Variants in ELMO1 observed in about 807,000 individuals in gnomAD.
The protein encoded by ELMO1 is engulfment and cell motility protein 1.
A neutral mutation model predicts 98.9 loss-of-function variants in ELMO1; 26 were observed. The observed-to-expected ratio is 0.26, with a 90% confidence interval of 0.19 to 0.36. The LOEUF is 0.36. Ranked by LOEUF, ELMO1 falls within the 10% of genes least tolerant of loss-of-function variation. ELMO1 has a pLI of 1.00. For missense variants in ELMO1, 627 were observed against 935.2 expected (o/e 0.67, Z 4.30); for synonymous variants, 346 against 346.0 (o/e 1.00, Z 0.00).
chr7:37,399,381 C>T (rs1005243237), intron 1 of ELMO1, among the ~76,000 whole-genome samples: 3 of 152,260 alleles, frequency 2.0e-5, no homozygotes, highest in African/African-American at 7.2e-5. Context: ...GCTGAAGGGA[C>T]CACCAATTTT....
In ELMO1 at chr7:36,867,701, GATTTTC is replaced by G. The variant is rs1803144037; in HGVS notation, c.1905+2686_1905+2691del. On this transcript the variant is annotated intron_variant, in intron 20 of 21. Transcript: ENST00000310758. ...GCATCCCACACATTTTGGTAAGCTG[GATTTTC>G]ATTTTATTTAGTTTGAAACATTTTG... Among the ~76,000 whole-genome samples the G allele has an allele frequency of 3.3e-5, 5 of 152,120 alleles. No homozygotes were observed. The South Asian group carries it at 1.0e-3, about 32-fold the overall frequency.
chr7:36,854,976 G>A lies in ELMO1; in HGVS notation c.*575C>T, dbSNP rs1802091135. The A allele has an allele frequency of 6.2e-6, 1 of 160,862 alleles. No individual in the cohort carries two copies. The highest frequency in any genetic ancestry group is 2.4e-5 in the African/African-American group (1 of 41,522). The allele number at this position is 160,862 out of a possible 1,614,324, so 10.0% of individuals were successfully genotyped here. A position where few individuals can be genotyped will look rare whatever the true frequency, so the allele number is the denominator to read the frequency against. ...CGAGGAGGCTGCGGCTGCTGCTCTT[G>A]GGACCAAAGAGGAACAGAGCAAGGC... On this transcript the variant is annotated 3_prime_UTR_variant, in exon 22 of 22. Transcript: ENST00000310758.
chr7:36,921,086 T>C (rs182248787), intron 16 of ELMO1, among the ~76,000 whole-genome samples: 3 of 152,210 alleles, frequency 2.0e-5, no homozygotes, highest in Admixed American at 1.3e-4. Flanking sequence ...GAAGGCATCA[T>C]CTATGGAGCA....
chr7:37,279,421 A>T (rs1343400912), intron 4 of ELMO1, among the ~76,000 whole-genome samples: 1 of 152,150 alleles, frequency 6.6e-6, no homozygotes, highest in African/African-American at 2.4e-5. Context: ...GACTGCAAGG[A>T]CAAACCAGTA....
At chr7:37,325,049 C>A (rs1470838885) in intron 2 of ELMO1, among the ~76,000 whole-genome samples, 1 of 152,162 alleles carries the variant, frequency 6.6e-6, no homozygotes, top group Non-Finnish European at 1.5e-5. Flanking sequence ...CATTACATAA[C>A]GTTATCTACA....
At chr7:37,280,976 TA>T (rs1562578784) in intron 4 of ELMO1, among the ~76,000 whole-genome samples, 2 of 149,466 alleles carry the variant, frequency 1.3e-5, no homozygotes, top group African/African-American at 4.9e-5. Flanking sequence ...AACGAATGGA[TA>T]AAGAAACTGT....
chr7:37,111,528 T>C (rs139256243), intron 14 of ELMO1, among the ~76,000 whole-genome samples: 1 of 152,336 alleles, frequency 6.6e-6, no homozygotes, highest in East Asian at 1.9e-4. Context: ...AAAACTTTTG[T>C]ACTAGCATAC....
chr7:37,211,716 G>A (rs1792985521), intron 12 of ELMO1, among the ~76,000 whole-genome samples, 199 bp from the exon 13 acceptor site: 1 of 152,194 alleles, frequency 6.6e-6, no homozygotes, highest in Admixed American at 6.5e-5. Flanking sequence ...CTGCTGGTCA[G>A]GCCTGGCTGT....
chr7:37,225,053 A>G, intron 8 of ELMO1, 23 bp from the exon 9 acceptor site: 1 of 1,613,876 alleles, frequency 6.2e-7, no homozygotes, highest in Non-Finnish European at 8.5e-7. Context: ...GTGGGACACA[A>G]TTGACTGCTC....
At chr7:37,105,941 C>T (rs1784923105) in intron 14 of ELMO1, among the ~76,000 whole-genome samples, 1 of 152,122 alleles carries the variant, frequency 6.6e-6, no homozygotes, top group East Asian at 1.9e-4. Context: ...GTCTTTGGAT[C>T]TACATAGAGG....
chr7:37,225,668 T>G (rs1021111192), intron 8 of ELMO1, among the ~76,000 whole-genome samples: 1 of 152,228 alleles, frequency 6.6e-6, no homozygotes, highest in South Asian at 2.1e-4. Context: ...AAGTGAGCAG[T>G]ACTAAAAGTT....
chr7:37,291,608 G>C (rs896176683), intron 4 of ELMO1, among the ~76,000 whole-genome samples: 2 of 152,180 alleles, frequency 1.3e-5, no homozygotes, highest in African/African-American at 4.8e-5. Context: ...TCAGCAGTTG[G>C]AGAAATGCAA....
At chr7:37,036,076 GATAAA>G (rs1435542846) in intron 15 of ELMO1, among the ~76,000 whole-genome samples, 1 of 152,174 alleles carries the variant, frequency 6.6e-6, no homozygotes, top group Admixed American at 6.5e-5. Flanking sequence ...GGTAGTGAAT[GATAAA>G]ATAGAGTAGT....
chr7:37,281,184 G>C (rs1274939561), intron 4 of ELMO1, among the ~76,000 whole-genome samples: 7 of 150,782 alleles, frequency 4.6e-5, no homozygotes, highest in Non-Finnish European at 7.4e-5. Flanking sequence ...AAGCTATGAG[G>C]ACACAAAGGC....
intron 15 of ELMO1, among the ~76,000 whole-genome samples, chr7:37,090,875 G>A (rs556809677): frequency 1.3e-5 from 2 of 152,282 alleles, no homozygotes; most frequent in South Asian, 2.1e-4. Context: ...GCTGCCTGAG[G>A]ATGGAGAATG....
chr7:37,259,091 A>G lies in ELMO1; in HGVS notation c.413+90T>C. On this transcript the variant is annotated intron_variant, in intron 6 of 21. Coordinates refer to ENST00000310758, the MANE Select transcript of ELMO1 (RefSeq NM_014800.11). ...GTCTAACCAAGGCTCTGGTCTTTAA[A>G]ACAGAGTTTGCAAGTGTAAGGCATG... is the stretch of plus-strand genomic sequence containing the variant. 2.1e-6 allele frequency: 3 copies of G among 1,422,796 alleles called. No homozygotes were observed. The South Asian group carries it at 4.7e-5, about 22-fold the overall frequency. The allele number at this position is 1,422,796 out of a possible 1,614,324, so 88.1% of individuals were successfully genotyped here.
At chr7:37,361,890 A>C (rs1167521948) in intron 1 of ELMO1, among the ~76,000 whole-genome samples, 3 of 152,148 alleles carry the variant, frequency 2.0e-5, no homozygotes, top group African/African-American at 7.2e-5. Context: ...TGAGCCCAGG[A>C]GGTGGAGGTT....
At position 37,128,813 on chromosome 7, in the gene ELMO1, C is replaced by T. The variant is rs1786701920; in HGVS notation, c.1191+4317G>A. Among the ~76,000 whole-genome samples the T allele has an allele frequency of 2.0e-5, 3 of 152,154 alleles. No homozygotes were observed. In the South Asian group the frequency reaches 6.2e-4, roughly 31 times the overall value. ...ATTAAAAGCCACTATGTGCTAGGCT[C>T]TGTGCCAGGGGCTAGAATATAAATG... On this transcript the variant is annotated intron_variant, in intron 14 of 21. Coordinates refer to ENST00000310758, the MANE Select transcript of ELMO1 (RefSeq NM_014800.11).
At chr7:37,420,538 C>A (rs1245516041) in intron 1 of ELMO1, among the ~76,000 whole-genome samples, 4 of 151,944 alleles carry the variant, frequency 2.6e-5, no homozygotes, top group Non-Finnish European at 4.4e-5. Context: ...ACACTTTCCA[C>A]AAGCACAGAG....
Sources: gnomAD v4.1 joint callset for allele counts (sites outside exome capture counted in the v4.1 genomes callset) on GRCh38, gnomAD v4.1.1 for gene constraint, MANE v1.5 for transcripts, NCBI Gene and HGNC (gene_info 2026-07-23, HGNC 2026-07-21) for gene names.